The following LRRC20 variants were observed in gnomAD, a reference collection of about 807,000 sequenced individuals.
The protein encoded by LRRC20 is leucine-rich repeat-containing protein 20.
A neutral mutation model predicts 14.4 loss-of-function variants in LRRC20; 11 were observed. That is an observed-to-expected ratio of 0.77 (90% CI 0.48 to 1.27). The LOEUF (loss-of-function observed/expected upper bound fraction) is 1.27, where lower values mean the gene tolerates loss of function less well. LRRC20 is among the 50% of genes most tolerant of loss of function. LRRC20 has a pLI of 0.00. For synonymous variants in LRRC20, 121 were observed against 107.3 expected (o/e 1.13, Z -0.79); for missense variants, 219 against 251.2 (o/e 0.87, Z 0.87).
intron 2 of LRRC20, among the ~76,000 whole-genome samples, chr10:70,369,312 G>C (rs904527598): frequency 6.6e-6 from 1 of 152,096 alleles, no homozygotes; most frequent in Non-Finnish European, 1.5e-5. Flanking sequence ...CAGGCAGCAG[G>C]GTGGATGGGG....
chr10:70,313,495 C>A (rs1841744725), intron 4 of LRRC20, among the ~76,000 whole-genome samples: 1 of 152,132 alleles, frequency 6.6e-6, no homozygotes, highest in African/African-American at 2.4e-5. Flanking sequence ...ACTGCCTCTG[C>A]AAAAGTTATG....
intron 2 of LRRC20, among the ~76,000 whole-genome samples, chr10:70,366,052 A>AAGAAGTGAAACTCT: frequency 6.9e-6 from 1 of 145,754 alleles, no homozygotes; most frequent in Non-Finnish European, 1.5e-5. Context: ...CCTGGGTGAC[A>AAGAAGTGAAACTCT]GAGCAAGACT....
chr10:70,360,910 T>C (rs1373201888), intron 2 of LRRC20, among the ~76,000 whole-genome samples: 1 of 152,090 alleles, frequency 6.6e-6, no homozygotes, highest in Non-Finnish European at 1.5e-5. Context: ...GGAACTGTCA[T>C]AATGGCACAC....
intron 2 of LRRC20, among the ~76,000 whole-genome samples, chr10:70,354,268 A>C (rs1843441623): frequency 6.6e-6 from 1 of 151,896 alleles, no homozygotes; most frequent in Non-Finnish European, 1.5e-5. Flanking sequence ...AGCCAGGTGA[A>C]CTCTGCACCA....
At chr10:70,373,008 G>T (rs1844366717) in intron 2 of LRRC20, among the ~76,000 whole-genome samples, 1 of 152,178 alleles carries the variant, frequency 6.6e-6, no homozygotes, top group Admixed American at 6.5e-5. Flanking sequence ...CAGCTACTTG[G>T]GAGGCTGAAG....
At chr10:70,342,435 C>A (rs1015500194) in intron 2 of LRRC20, among the ~76,000 whole-genome samples, 3 of 151,906 alleles carry the variant, frequency 2.0e-5, no homozygotes, top group African/African-American at 7.3e-5. Context: ...ATCAATAAAG[C>A]TGATATATAT....
intron 3 of LRRC20, among the ~76,000 whole-genome samples, chr10:70,337,010 C>T (rs1464711862): frequency 6.6e-6 from 1 of 152,196 alleles, no homozygotes; most frequent in Non-Finnish European, 1.5e-5. Context: ...TTATTTTTTC[C>T]TTCCATAAAA....
chr10:70,303,028 A>G (rs1841275656), intron 4 of LRRC20, among the ~76,000 whole-genome samples: 1 of 151,976 alleles, frequency 6.6e-6, no homozygotes, highest in Admixed American at 6.6e-5. Flanking sequence ...CTTAAAAGAA[A>G]AAAAAAAGGT....
At chr10:70,380,717 C>T (rs978214473) in intron 1 of LRRC20, among the ~76,000 whole-genome samples, 1 of 152,268 alleles carries the variant, frequency 6.6e-6, no homozygotes, top group African/African-American at 2.4e-5. Context: ...ATCCTCAAAG[C>T]ATGGCCCTCT....
Position 70,301,171 on chromosome 10 carries a change from G to T in LRRC20, c.*183C>A. The T allele has an allele frequency of 7.2e-7, 1 of 1,385,816 alleles. No homozygotes were observed. Among genetic ancestry groups the T allele is most frequent in the Non-Finnish European group, 9.3e-7 (1 of 1,072,892 alleles). 85.8% of individuals were successfully genotyped at this position (1,385,816 alleles called of 1,614,324 possible). ...AGGCCCCACCTTGCCTCTTCCCTTGGGCATTCCAGAGCCCACTACTGCTGT... is the reference window on the plus strand; with the variant it reads ...AGGCCCCACCTTGCCTCTTCCCTTGTGCATTCCAGAGCCCACTACTGCTGT... On this transcript the variant is annotated 3_prime_UTR_variant, in exon 5 of 5. Coordinates refer to ENST00000446961, the MANE Select transcript of LRRC20 (RefSeq NM_001278212.2).
rs1841329290 is a variant in LRRC20, at chr10:70,304,470, T to TTTTATATATATATATATATATA, written c.401-2963_401-2962insTATATATATATATATATATAAA. ...GCTATATAGATATCAGGCCACTTCTTTATATATATATATATATATATATAT... is the reference window on the plus strand; with the variant it reads ...GCTATATAGATATCAGGCCACTTCTTTTTATATATATATATATATATATATATATATATATATATATATATAT... On this transcript the variant is annotated intron_variant, in intron 4 of 4. Transcript: ENST00000446961. Among the ~76,000 whole-genome samples, 8 of 113,820 alleles carry TTTTATATATATATATATATATA rather than the reference T, an allele frequency of 7.0e-5. No individual in the cohort carries two copies. The South Asian group carries it at 2.0e-3, about 28-fold the overall frequency. The allele number at this position is 113,820 out of a possible 152,430, so 74.7% of individuals were successfully genotyped here.
intron 2 of LRRC20, among the ~76,000 whole-genome samples, chr10:70,370,499 A>T (rs1844224652): frequency 6.6e-6 from 1 of 152,210 alleles, no homozygotes. Flanking sequence ...CAAGCCTGTA[A>T]TCCTAGCACT....
At chr10:70,320,553 G>C (rs568927236) in intron 4 of LRRC20, among the ~76,000 whole-genome samples, 4 of 152,284 alleles carry the variant, frequency 2.6e-5, no homozygotes, top group Admixed American at 1.3e-4. Flanking sequence ...ACTTATTTCA[G>C]AGGAGCTTCG....
At chr10:70,379,258 T>C (rs1448008138) in intron 1 of LRRC20, among the ~76,000 whole-genome samples, 1 of 152,190 alleles carries the variant, frequency 6.6e-6, no homozygotes, top group Non-Finnish European at 1.5e-5. Flanking sequence ...GAAAGGACTG[T>C]GGCAAACTGG....
intron 2 of LRRC20, among the ~76,000 whole-genome samples, chr10:70,365,110 A>ATG (rs1039668328): frequency 2.4e-5 from 3 of 125,964 alleles, no homozygotes; most frequent in Admixed American, 1.0e-4. Context: ...CCCAGGCTGG[A>ATG]GTGCAGTGGC....
chr10:70,300,365 CA>C lies in LRRC20; in HGVS notation c.*988del. ...GTTGCCTGACCATACCCTAAGATGC[CA>C]GGTTGAGGGCCTCAGAAGAACCAGG... On this transcript the variant is annotated 3_prime_UTR_variant, in exon 5 of 5. Coordinates refer to ENST00000446961, the MANE Select transcript of LRRC20 (RefSeq NM_001278212.2). 1 of 985,414 alleles carries C rather than the reference CA, an allele frequency of 1.0e-6. No individual in the cohort carries two copies. Among genetic ancestry groups the C allele is most frequent in the Non-Finnish European group, 1.2e-6 (1 of 829,938 alleles). The allele number at this position is 985,414 out of a possible 1,614,324, so 61.0% of individuals were successfully genotyped here. A position where few individuals can be genotyped will look rare whatever the true frequency, so the allele number is the denominator to read the frequency against.
rs567803503 is a variant in LRRC20 at position 70,359,958 on chromosome 10, C to T, written c.82+16494G>A. Among the ~76,000 whole-genome samples, 5 of 151,012 alleles carry T rather than the reference C, an allele frequency of 3.3e-5. No homozygotes were observed. The South Asian group carries it at 1.1e-3, about 32-fold the overall frequency. ...TTGAGGTGGAGTCTCCCTCTGTTGCCCAGGCTGGAGTGCAGTGGCGTGATC... is the reference window on the plus strand; with the variant it reads ...TTGAGGTGGAGTCTCCCTCTGTTGCTCAGGCTGGAGTGCAGTGGCGTGATC... On this transcript the variant is annotated intron_variant, in intron 2 of 4. Coordinates refer to ENST00000446961, the MANE Select transcript of LRRC20 (RefSeq NM_001278212.2).
At chr10:70,351,174 C>T (rs971760322) in intron 2 of LRRC20, among the ~76,000 whole-genome samples, 2 of 118,786 alleles carry the variant, frequency 1.7e-5, no homozygotes, top group African/African-American at 6.2e-5. Context: ...GAGTGAGACC[C>T]TGTCTCAGAA....
At chr10:70,353,067 A>G (rs1843377647) in intron 2 of LRRC20, among the ~76,000 whole-genome samples, 1 of 152,138 alleles carries the variant, frequency 6.6e-6, no homozygotes, top group African/African-American at 2.4e-5. Context: ...TTTCTCCTGC[A>G]CCGGTGTTGA....
Sources: gnomAD v4.1 joint callset for allele counts (sites outside exome capture counted in the v4.1 genomes callset) on GRCh38, gnomAD v4.1.1 for gene constraint, MANE v1.5 for transcripts, NCBI Gene and HGNC (gene_info 2026-07-23, HGNC 2026-07-21) for gene names.